GADL1: variants seen among roughly 807,000 people sequenced by gnomAD.
GADL1 encodes acidic amino acid decarboxylase GADL1.
GADL1 carries 71 observed loss-of-function variants against 69.5 expected under a neutral mutation model. The ratio of observed to expected loss-of-function variants is 1.02; its 90% CI spans 0.84 to 1.25. The LOEUF is 1.25. GADL1 is among the 50% of genes most tolerant of loss of function. The pLI is 0.00. For synonymous variants in GADL1, 254 were observed against 214.4 expected, an observed-to-expected ratio of 1.18 and a Z score of -1.62; for missense variants, 737 against 631.8, an observed-to-expected ratio of 1.17 and a Z score of -1.79.
intron 11 of GADL1, among the ~76,000 whole-genome samples, chr3:30,829,650 A>T (rs1337404143): frequency 6.6e-6 from 1 of 151,952 alleles, no homozygotes; most frequent in Non-Finnish European, 1.5e-5. Flanking sequence ...ATTCTTAGTT[A>T]CTGCTGACAT....
intron 13 of GADL1, chr3:30,779,153 G>C (rs1204025298): frequency 1.3e-5 from 2 of 152,296 alleles, no homozygotes; most frequent in South Asian, 4.1e-4. Flanking sequence ...GTCCTCACTG[G>C]ACAAAAACAT....
At chr3:30,785,137 T>C (rs371289863) in intron 13 of GADL1, among the ~76,000 whole-genome samples, 1 of 152,172 alleles carries the variant, frequency 6.6e-6, no homozygotes, top group African/African-American at 2.4e-5. Context: ...CAGTACTATA[T>C]CTATAACCTG....
At position 30,850,061 on chromosome 3, in the gene GADL1, A is replaced by G. The variant is rs1329841710; in HGVS notation, c.586T>C (p.Cys196Arg). The part of the protein sequence containing the change: ...YAMNLARYKY[C>R]PDIKEKGLSG... Reference sequence around the variant, plus strand: ...AGCCCCTTTTCCTTAATATCAGGACAATATTTGTATCTAGCTAAATTCATT... The same window carrying G: ...AGCCCCTTTTCCTTAATATCAGGACGATATTTGTATCTAGCTAAATTCATT... Residue 196 changes from cysteine to arginine, a missense_variant, in exon 6 of 15, where the codon TGT becomes CGT. Coordinates refer to ENST00000282538, the MANE Select transcript of GADL1 (RefSeq NM_207359.3). The G allele has an allele frequency of 1.9e-6, 3 of 1,612,096 alleles. No individual in the cohort carries two copies. Among genetic ancestry groups the G allele is most frequent in the Non-Finnish European group, 2.5e-6 (3 of 1,178,590 alleles).
chr3:30,835,928 C>A (rs967219090), intron 9 of GADL1, among the ~76,000 whole-genome samples: 1 of 152,036 alleles, frequency 6.6e-6, no homozygotes, highest in African/African-American at 2.4e-5. Context: ...AAGGCAAATG[C>A]CCTCAGCATC....
intron 14 of GADL1, among the ~76,000 whole-genome samples, chr3:30,743,458 C>G (rs941542665): frequency 6.6e-6 from 1 of 152,194 alleles, no homozygotes; most frequent in Non-Finnish European, 1.5e-5. Context: ...ACAGCGCCTG[C>G]TTTTACCTCA....
At chr3:30,752,969 A>G (rs1309794546) in intron 14 of GADL1, among the ~76,000 whole-genome samples, 2 of 152,002 alleles carry the variant, frequency 1.3e-5, no homozygotes, top group African/African-American at 4.8e-5. Context: ...GGTTTTGAAC[A>G]CTTCATTGTC....
intron 6 of GADL1, among the ~76,000 whole-genome samples, chr3:30,848,599 G>C (rs1418612267): frequency 6.6e-6 from 1 of 152,060 alleles, no homozygotes; most frequent in Non-Finnish European, 1.5e-5. Context: ...AAGAACCTGG[G>C]TGATGAAGCA....
chr3:30,804,405 A>C (rs1697218107), intron 11 of GADL1, among the ~76,000 whole-genome samples: 1 of 152,152 alleles, frequency 6.6e-6, no homozygotes. Flanking sequence ...TCTGTTTTTG[A>C]CTAACATTTA....
At chr3:30,816,905 T>C (rs1265421123) in intron 11 of GADL1, among the ~76,000 whole-genome samples, 1 of 152,134 alleles carries the variant, frequency 6.6e-6, no homozygotes, top group African/African-American at 2.4e-5. Context: ...CTGTATTGTA[T>C]AGCATCTTAG....
chr3:30,808,307 C>T (rs886983691), intron 11 of GADL1, among the ~76,000 whole-genome samples: 3 of 152,068 alleles, frequency 2.0e-5, no homozygotes, highest in African/African-American at 7.2e-5. Flanking sequence ...ACCAGCCTGA[C>T]CAACATGGTT....
At chr3:30,750,139 C>T (rs1695781698) in intron 14 of GADL1, among the ~76,000 whole-genome samples, 1 of 152,122 alleles carries the variant, frequency 6.6e-6, no homozygotes, top group Non-Finnish European at 1.5e-5. Flanking sequence ...CAGATTATCC[C>T]CATATAATAT....
intron 1 of GADL1, among the ~76,000 whole-genome samples, chr3:30,879,440 A>G (rs1380592961): frequency 6.6e-6 from 1 of 151,874 alleles, no homozygotes; most frequent in Non-Finnish European, 1.5e-5. Context: ...GAAGAGATCA[A>G]TACAGGCTCT....
chr3:30,765,279 A>G (rs1696243295), intron 14 of GADL1, among the ~76,000 whole-genome samples: 1 of 148,244 alleles, frequency 6.7e-6, no homozygotes, highest in African/African-American at 2.5e-5. Context: ...CAAAAGCCAG[A>G]TAAAAATATG....
chr3:30,779,579 C>A (rs187211416), intron 13 of GADL1, among the ~76,000 whole-genome samples: 165 of 152,266 alleles, frequency 1.1e-3, no homozygotes, highest in African/African-American at 3.8e-3. Context: ...ATGGCAAAAA[C>A]CACAATGACT....
At chr3:30,783,759 G>GA (rs1696726040) in intron 13 of GADL1, among the ~76,000 whole-genome samples, 1 of 152,020 alleles carries the variant, frequency 6.6e-6, no homozygotes, top group African/African-American at 2.4e-5. Context: ...TCCCACAGAT[G>GA]AAAAAATCCA....
At position 30,801,017 on chromosome 3, in the gene GADL1, G is replaced by A. The variant is rs765577612; in HGVS notation, c.1122C>T (p.Ser374=). 1 of 1,613,890 alleles carries A rather than the reference G, an allele frequency of 6.2e-7. No individual in the cohort carries two copies. The highest frequency in any genetic ancestry group is 1.1e-5 in the South Asian group (1 of 91,070). The part of the protein sequence containing the change: ...LFQQDKFYDV[S]YDTGDKSIQC... ...GGATAGACTTGTCTCCTGTGTCATA[G>A]CTCACATCATAGAATTTATCCTGCT... The change falls in exon 12 of 15, where the codon AGC becomes AGT. Residue 374 remains serine, a synonymous_variant. Coordinates refer to ENST00000282538, the MANE Select transcript of GADL1 (RefSeq NM_207359.3).
At chr3:30,769,294 C>CA (rs1257926978) in intron 14 of GADL1, among the ~76,000 whole-genome samples, 1 of 152,020 alleles carries the variant, frequency 6.6e-6, no homozygotes, top group Non-Finnish European at 1.5e-5. Context: ...TGACCTGAAC[C>CA]AACATGATGT....
intron 12 of GADL1, 75 bp downstream of exon 12, chr3:30,800,814 C>T (rs961223933): frequency 2.4e-5 from 4 of 165,520 alleles, no homozygotes; most frequent in Admixed American, 6.6e-5. Context: ...TAGACACACA[C>T]ACACACACAC....
At chr3:30,750,577 T>G (rs1695793387) in intron 14 of GADL1, among the ~76,000 whole-genome samples, 1 of 152,046 alleles carries the variant, frequency 6.6e-6, no homozygotes, top group Non-Finnish European at 1.5e-5. Context: ...ATGTTTCCAG[T>G]GTAATGAAAT....
Sources: allele counts gnomAD v4.1 joint callset (sites outside exome capture counted in the v4.1 genomes callset), GRCh38; gene constraint gnomAD v4.1.1; transcripts MANE v1.5; gene names NCBI Gene and HGNC (gene_info 2026-07-23, HGNC 2026-07-21).